Variants in FGD4 observed in about 807,000 individuals in gnomAD.
FGD4 encodes FYVE, RhoGEF and PH domain containing 4, also known as FYVE, RhoGEF and PH domain-containing protein 4.
In FGD4, 42 loss-of-function variants were observed where a neutral mutation model predicts 102.0. That is an observed-to-expected ratio of 0.41 (90% CI 0.32 to 0.53). The LOEUF (loss-of-function observed/expected upper bound fraction) is 0.53. FGD4 is among the 20% of genes least tolerant of loss of function. The pLI, the probability that FGD4 is intolerant of heterozygous loss-of-function variation, is 0.21. For missense variants in FGD4, 902 were observed against 1,078.2 expected (o/e 0.84, Z 2.29); for synonymous variants, 380 against 375.7 (o/e 1.01, Z -0.13).
chr12:32,411,208 T>A (rs7953544), intron 1 of FGD4, among the ~76,000 whole-genome samples: 1 of 151,728 alleles, frequency 6.6e-6, no homozygotes, highest in African/African-American at 2.4e-5. Flanking sequence ...GGATTACAGG[T>A]GTGAGCCACT....
chr12:32,465,608 C>T (rs1463407800), intron 1 of FGD4, among the ~76,000 whole-genome samples: 1 of 151,800 alleles, frequency 6.6e-6, no homozygotes, highest in Non-Finnish European at 1.5e-5. Flanking sequence ...GCAGAGGTTG[C>T]AGTGAGCTGA....
intron 4 of FGD4, among the ~76,000 whole-genome samples, chr12:32,592,945 GT>G (rs542381475): frequency 8.3e-4 from 127 of 152,236 alleles, no homozygotes; most frequent in African/African-American, 2.9e-3. Flanking sequence ...TTGGTGATTT[GT>G]CAGTCTGTCT....
At chr12:32,606,752 G>C (rs1948809252) in intron 7 of FGD4, among the ~76,000 whole-genome samples, 1 of 152,046 alleles carries the variant, frequency 6.6e-6, no homozygotes, top group African/African-American at 2.4e-5. Context: ...TGGGATTTCT[G>C]CTTTGTTTAA....
chr12:32,518,337 T>G (rs1264004618), intron 1 of FGD4, among the ~76,000 whole-genome samples: 1 of 152,076 alleles, frequency 6.6e-6, no homozygotes. Context: ...AATTAGCCGA[T>G]ACTGGTGGCA....
chr12:32,431,772 TAAAAA>T (rs1158028860), intron 1 of FGD4, among the ~76,000 whole-genome samples: 1 of 142,666 alleles, frequency 7.0e-6, no homozygotes, highest in Non-Finnish European at 1.5e-5. Context: ...GATTCTGTCT[TAAAAA>T]AAAAAAAAGA....
rs1951349639 is a variant in FGD4 at position 32,645,245 on chromosome 12, G to C, written c.*4712G>C. The C allele has an allele frequency of 6.6e-6, 1 of 152,152 alleles. No homozygotes were observed. Among genetic ancestry groups the C allele is most frequent in the Non-Finnish European group, 1.5e-5 (1 of 68,028 alleles). The allele number at this position is 152,152 out of a possible 1,614,324, so 9.4% of individuals were successfully genotyped here. A position where few individuals can be genotyped will look rare whatever the true frequency, so the allele number is the denominator to read the frequency against. On this transcript the variant is annotated 3_prime_UTR_variant, in exon 17 of 17. Transcript: ENST00000534526. ...TGGATATTGGAATGTATCACTTGTG[G>C]GGGGTTCTCTTCATTAGCAAAACAG...
intron 10 of FGD4, among the ~76,000 whole-genome samples, chr12:32,612,627 C>G (rs545902419): frequency 9.8e-4 from 150 of 152,310 alleles, no homozygotes; most frequent in Admixed American, 4.0e-3. Flanking sequence ...TCATTTCATT[C>G]TCAGGTAATT....
intron 1 of FGD4, among the ~76,000 whole-genome samples, chr12:32,464,105 C>A (rs1943183458): frequency 6.6e-6 from 1 of 152,078 alleles, no homozygotes; most frequent in Non-Finnish European, 1.5e-5. Context: ...TTGCATGTGT[C>A]CCAGTGAAAC....
At chr12:32,609,702 G>A (rs1463848149) in intron 8 of FGD4, among the ~76,000 whole-genome samples, 1 of 151,566 alleles carries the variant, frequency 6.6e-6, no homozygotes, top group Non-Finnish European at 1.5e-5. Context: ...GGGCTTTTTG[G>A]TGACCTAAAA....
chr12:32,535,589 G>A (rs537663864), intron 1 of FGD4, among the ~76,000 whole-genome samples: 1 of 151,892 alleles, frequency 6.6e-6, no homozygotes, highest in Non-Finnish European at 1.5e-5. Context: ...ATAAAGTTTG[G>A]AGGTCTTGTG....
chr12:32,561,147 C>T (rs1364464696), intron 1 of FGD4, among the ~76,000 whole-genome samples: 7 of 119,762 alleles, frequency 5.8e-5, no homozygotes, highest in Admixed American at 2.4e-4. Flanking sequence ...TGCAATGGTG[C>T]GATCTCAGCT....
chr12:32,539,551 A>G (rs1409842157), intron 1 of FGD4, among the ~76,000 whole-genome samples: 1 of 150,478 alleles, frequency 6.6e-6, no homozygotes, highest in East Asian at 1.9e-4. Context: ...CCTGGGCAAC[A>G]AGAGCGAAAC....
In FGD4 at chr12:32,434,090, G is replaced by A. The variant is rs928394217; in HGVS notation, c.166+34131G>A. Among the ~76,000 whole-genome samples the A allele has an allele frequency of 3.3e-5, 5 of 151,788 alleles. 1 individual carries two copies. The highest frequency in any genetic ancestry group is 3.3e-4 in the Admixed American group (5 of 15,242). On this transcript the variant is annotated intron_variant, in intron 1 of 16. Coordinates refer to ENST00000534526, the MANE Select transcript of FGD4 (RefSeq NM_001370298.3). ...AGGATGGTCTTGATCTCCTGACCTC[G>A]TGATCCGCCCGCCTCAGCCTCCCAA...
chr12:32,640,140 C>A, intron 16 of FGD4, 136 bp from the exon 17 acceptor site: 1 of 1,294,464 alleles, frequency 7.7e-7, no homozygotes, highest in Non-Finnish European at 1.1e-6. Flanking sequence ...AATGGGATTG[C>A]CCTCTGTGCC....
rs1951149782 is a variant in FGD4 at position 32,641,368 on chromosome 12, A to G, written c.*835A>G. On this transcript the variant is annotated 3_prime_UTR_variant, in exon 17 of 17. Coordinates refer to ENST00000534526, the MANE Select transcript of FGD4 (RefSeq NM_001370298.3). The stretch of plus-strand genomic sequence containing the variant: ...ATGGGATATATTTGTGAATTCCAAC[A>G]GTACTTTTAAAGTACCATTTTTTGT... 1 of 152,172 alleles carries G rather than the reference A, an allele frequency of 6.6e-6. No individual in the cohort carries two copies. 9.4% of individuals were successfully genotyped at this position (152,172 alleles called of 1,614,324 possible). A position where few individuals can be genotyped will look rare whatever the true frequency, so the allele number is the denominator to read the frequency against.
At chr12:32,629,214 G>A (rs1378000522) in intron 14 of FGD4, among the ~76,000 whole-genome samples, 3 of 152,190 alleles carry the variant, frequency 2.0e-5, no homozygotes, top group Non-Finnish European at 4.4e-5. Flanking sequence ...GTTCAATGAA[G>A]AAAGAGTTGA....
intron 1 of FGD4, among the ~76,000 whole-genome samples, chr12:32,526,062 G>T (rs905889894): frequency 4.6e-5 from 7 of 152,194 alleles, no homozygotes; most frequent in Admixed American, 3.9e-4. Flanking sequence ...TGCGAGCGCA[G>T]GGGGCAGGAC....
chr12:32,509,649 T>C (rs956262369), intron 1 of FGD4, among the ~76,000 whole-genome samples: 1 of 152,172 alleles, frequency 6.6e-6, no homozygotes, highest in African/African-American at 2.4e-5. Flanking sequence ...AGAGAACACA[T>C]GGTTGCAAGA....
chr12:32,436,559 C>T (rs1942235036), intron 1 of FGD4, among the ~76,000 whole-genome samples: 1 of 152,202 alleles, frequency 6.6e-6, no homozygotes, highest in African/African-American at 2.4e-5. Context: ...CTCCCTTGAA[C>T]CAGTTTGGTG....
Sources: allele counts gnomAD v4.1 joint callset (sites outside exome capture counted in the v4.1 genomes callset), GRCh38; gene constraint gnomAD v4.1.1; transcripts MANE v1.5; gene names NCBI Gene and HGNC (gene_info 2026-07-23, HGNC 2026-07-21).